NCAM1: variants seen among roughly 807,000 people sequenced by gnomAD.
The protein encoded by NCAM1 is neural cell adhesion molecule 1, also known as antigen recognized by monoclonal antibody 5.1H11.
NCAM1 carries 14 observed loss-of-function variants against 109.8 expected under a neutral mutation model. The observed-to-expected ratio is 0.13, with a 90% confidence interval of 0.08 to 0.20. The LOEUF is 0.20. Ranked by LOEUF, NCAM1 falls within the 10% of genes least tolerant of loss-of-function variation. The probability of loss-of-function intolerance (pLI) is 1.00; values close to 1 mark genes in which losing one functional copy is unlikely to be tolerated. For synonymous variants in NCAM1, 418 were observed against 442.9 expected, an observed-to-expected ratio of 0.94 and a Z score of 0.70; for missense variants, 774 against 1,109.9, an observed-to-expected ratio of 0.70 and a Z score of 4.30.
intron 1 of NCAM1, among the ~76,000 whole-genome samples, chr11:113,084,475 C>T (rs2135708013): frequency 6.6e-6 from 1 of 152,284 alleles, no homozygotes; most frequent in East Asian, 1.9e-4. Context: ...GTTGAACTGA[C>T]ATCAGGATTG....
chr11:113,240,742 G>C lies in NCAM1; in HGVS notation c.1825+5578G>C, dbSNP rs782068818. The C allele has an allele frequency of 5.1e-6, 8 of 1,578,012 alleles. No individual in the cohort carries two copies. In the East Asian group the frequency reaches 1.8e-4, roughly 35 times the overall value. ...TTTTTTTTTCATTCAGTATCTGTGT[G>C]CCTCAATGATCTTTTTTCCCCACCT... On this transcript the variant is annotated intron_variant, in intron 14 of 19. Coordinates refer to ENST00000316851, the MANE Select transcript of NCAM1 (RefSeq NM_181351.5).
intron 1 of NCAM1, among the ~76,000 whole-genome samples, chr11:113,073,978 T>C (rs1555085701): frequency 6.6e-6 from 1 of 152,212 alleles, no homozygotes; most frequent in East Asian, 1.9e-4. Flanking sequence ...TGGGAGTTGA[T>C]TTCTGCTGTT....
chr11:113,175,185 C>T (rs1943108283), intron 1 of NCAM1, among the ~76,000 whole-genome samples: 2 of 152,208 alleles, frequency 1.3e-5, no homozygotes, highest in Non-Finnish European at 2.9e-5. Context: ...AAAAGGTTGA[C>T]TGAGGTCTCT....
intron 1 of NCAM1, among the ~76,000 whole-genome samples, chr11:113,103,105 A>G (rs1246391818): frequency 2.6e-5 from 4 of 152,206 alleles, no homozygotes; most frequent in Non-Finnish European, 4.4e-5. Context: ...AACACATGCA[A>G]TTAATGAAAC....
At chr11:113,218,307 G>A (rs1409576199) in intron 8 of NCAM1, among the ~76,000 whole-genome samples, 1 of 152,166 alleles carries the variant, frequency 6.6e-6, no homozygotes, top group African/African-American at 2.4e-5. Flanking sequence ...TGGCTCGGTG[G>A]CTCAGAAGGT....
intron 1 of NCAM1, among the ~76,000 whole-genome samples, chr11:113,064,808 G>T (rs1395972455): frequency 6.6e-6 from 1 of 152,194 alleles, no homozygotes; most frequent in East Asian, 1.9e-4. Flanking sequence ...AAAACTTAAA[G>T]GTGTTAATTT....
At chr11:112,964,762 A>G (rs1167173062) in intron 1 of NCAM1, among the ~76,000 whole-genome samples, 1 of 152,252 alleles carries the variant, frequency 6.6e-6, no homozygotes, top group Non-Finnish European at 1.5e-5. Context: ...AACTCTAACC[A>G]AACCCTAGAA....
At chr11:113,043,715 A>G (rs1170328205) in intron 1 of NCAM1, among the ~76,000 whole-genome samples, 1 of 152,096 alleles carries the variant, frequency 6.6e-6, no homozygotes, top group Non-Finnish European at 1.5e-5. Context: ...CCAGCTGGTA[A>G]CAAGCATTCC....
chr11:113,260,456 G>A, intron 17 of NCAM1, 133 bp downstream of exon 17: 1 of 1,009,488 alleles, frequency 9.9e-7, no homozygotes. Context: ...CCCATGCAAA[G>A]CTTAGTTTTG....
rs1945505019 is a variant in NCAM1, at chr11:113,246,384, T to C, written c.1828+14T>C. ...GGTGAACAGAAGGTAAAACTCTTTG[T>C]TCTGATTAGTGAAATAAATCTGGGA... On this transcript the variant is annotated intron_variant, in intron 15 of 19. Transcript: ENST00000316851. 1 of 739,320 alleles carries C rather than the reference T, an allele frequency of 1.4e-6. No homozygotes were observed. Among genetic ancestry groups the C allele is most frequent in the Non-Finnish European group, 2.5e-6 (1 of 404,182 alleles). 45.8% of individuals were successfully genotyped at this position (739,320 alleles called of 1,614,324 possible).
At chr11:113,236,243 T>C (rs1458848203) in intron 14 of NCAM1, 17 of 1,575,800 alleles carry the variant, frequency 1.1e-5, no homozygotes, top group Admixed American at 8.5e-5. Context: ...ATTTTTTTTT[T>C]CTTGGGTCTG....
At chr11:113,065,321 T>A (rs1271149081) in intron 1 of NCAM1, among the ~76,000 whole-genome samples, 4 of 152,206 alleles carry the variant, frequency 2.6e-5, no homozygotes, top group Non-Finnish European at 5.9e-5. Context: ...AAAAGAATTT[T>A]AAATAAATTA....
At chr11:113,133,161 A>G (rs1555098710) in intron 1 of NCAM1, 1 of 152,202 alleles carries the variant, frequency 6.6e-6, no homozygotes, top group East Asian at 1.9e-4. Context: ...GATGCTAAAG[A>G]GCCTTCTCTT....
At chr11:113,022,717 C>CGTAG (rs1343027942) in intron 1 of NCAM1, among the ~76,000 whole-genome samples, 2 of 151,938 alleles carry the variant, frequency 1.3e-5, no homozygotes, top group African/African-American at 4.8e-5. Flanking sequence ...CAGGCAGGTA[C>CGTAG]GTAGGTAGGT....
At chr11:113,042,388 T>C (rs1216423909) in intron 1 of NCAM1, among the ~76,000 whole-genome samples, 1 of 152,216 alleles carries the variant, frequency 6.6e-6, no homozygotes, top group Non-Finnish European at 1.5e-5. Context: ...TCTTCCTCCC[T>C]CTGCCCTTTG....
chr11:113,036,156 G>T (rs1555079156), intron 1 of NCAM1, among the ~76,000 whole-genome samples: 1 of 151,990 alleles, frequency 6.6e-6, no homozygotes, highest in Admixed American at 6.6e-5. Flanking sequence ...CCAGCCCTGA[G>T]CCTGATCCTG....
At chr11:113,272,891 A>G (rs1009109375) in intron 19 of NCAM1, 3 of 455,708 alleles carry the variant, frequency 6.6e-6, no homozygotes, top group African/African-American at 2.0e-5. Flanking sequence ...GTCACGTCTC[A>G]GCTTCATTGT....
At chr11:113,275,054 T>C (rs536210527) in intron 19 of NCAM1, among the ~76,000 whole-genome samples, 1 of 152,232 alleles carries the variant, frequency 6.6e-6, no homozygotes, top group Non-Finnish European at 1.5e-5. Context: ...TAAAAGTCAC[T>C]GTGTCCGGAC....
At chr11:113,112,778 A>T (rs1940502383) in intron 1 of NCAM1, among the ~76,000 whole-genome samples, 1 of 152,004 alleles carries the variant, frequency 6.6e-6, no homozygotes, top group Non-Finnish European at 1.5e-5. Context: ...TATTAGTTTC[A>T]TGAAGGTCTT....
Sources: allele counts gnomAD v4.1 joint callset (sites outside exome capture counted in the v4.1 genomes callset), GRCh38; gene constraint gnomAD v4.1.1; transcripts MANE v1.5; gene names NCBI Gene and HGNC (gene_info 2026-07-23, HGNC 2026-07-21).